FIGN: variants seen among roughly 807,000 people sequenced by gnomAD.
FIGN encodes fidgetin.
A neutral mutation model predicts 51.3 loss-of-function variants in FIGN; 11 were observed. That is an observed-to-expected ratio of 0.21 (90% CI 0.13 to 0.35). The LOEUF (loss-of-function observed/expected upper bound fraction) is 0.35. Ranked by LOEUF, FIGN falls within the 10% of genes least tolerant of loss-of-function variation. The pLI is 1.00. For missense variants in FIGN, 857 were observed against 943.6 expected, an observed-to-expected ratio of 0.91 and a Z score of 1.20; for synonymous variants, 407 against 363.2, an observed-to-expected ratio of 1.12 and a Z score of -1.37.
chr2:163,660,701 A>ATTTTTTTT, intron 2 of FIGN, among the ~76,000 whole-genome samples: 1 of 122,168 alleles, frequency 8.2e-6, no homozygotes, highest in South Asian at 2.6e-4. Context: ...ATACATATAT[A>ATTTTTTTT]TGTATACACA....
rs71410075 is a variant in FIGN at position 163,604,936 on chromosome 2, C to CTTTTTTTTTTTTTTTTTTT, written c.*4597_*4615dup. The CTTTTTTTTTTTTTTTTTTT allele has an allele frequency of 3.2e-5, 3 of 94,258 alleles. No homozygotes were observed. The highest frequency in any genetic ancestry group is 3.9e-4 in the East Asian group (1 of 2,540). 5.8% of individuals were successfully genotyped at this position (94,258 alleles called of 1,614,324 possible). On this transcript the variant is annotated 3_prime_UTR_variant, in exon 3 of 3. Coordinates refer to ENST00000333129, the MANE Select transcript of FIGN (RefSeq NM_018086.4). ...TTTTAAGCCCAGAAATAAACTTTTG[C>CTTTTTTTTTTTTTTTTTTT]TTTTTTTTTTTTTTTTTTTGTATCA...
rs775947684 is a variant in FIGN, at chr2:163,610,143, T to C, written c.1689A>G (p.Ala563=). 1 of 1,614,152 alleles carries C rather than the reference T, an allele frequency of 6.2e-7. No homozygotes were observed. Among genetic ancestry groups the C allele is most frequent in the Non-Finnish European group, 8.5e-7 (1 of 1,180,002 alleles). Residue 563 remains alanine, a synonymous_variant, in exon 3 of 3, where the codon GCA becomes GCG. Transcript: ENST00000333129. Reference sequence around the variant, plus strand: ...GAAAAGAGGCATGGATAATTTTCTCTGCTTCTCCTAACCACTTGGCGACTA... The same window carrying C: ...GAAAAGAGGCATGGATAATTTTCTCCGCTTCTCCTAACCACTTGGCGACTA... ...SGLVAKWLGE[A]EKIIHASFLV...
intron 2 of FIGN, among the ~76,000 whole-genome samples, chr2:163,681,029 C>T (rs911230501): frequency 2.0e-5 from 3 of 152,132 alleles, no homozygotes; most frequent in Non-Finnish European, 2.9e-5. Context: ...GCTGTTATTA[C>T]GATCACTTCA....
At chr2:163,703,709 T>C (rs559651275) in intron 2 of FIGN, among the ~76,000 whole-genome samples, 5 of 152,240 alleles carry the variant, frequency 3.3e-5, no homozygotes, top group African/African-American at 1.2e-4. Flanking sequence ...ATGACCCTCA[T>C]TGCTTCCTGG....
Position 163,606,533 on chromosome 2 carries a change from A to G in FIGN, c.*3019T>C, listed in dbSNP as rs763275316. ...AATTCTTAGCAGTCAAAAAGAGGCC[A>G]AGGGTATGAAGCCCCATTACTCAGT... On this transcript the variant is annotated 3_prime_UTR_variant, in exon 3 of 3. Transcript: ENST00000333129. The G allele has an allele frequency of 6.6e-6, 1 of 152,212 alleles. No individual in the cohort carries two copies. The highest frequency in any genetic ancestry group is 1.5e-5 in the Non-Finnish European group (1 of 68,054). 9.4% of individuals were successfully genotyped at this position (152,212 alleles called of 1,614,324 possible).
chr2:163,635,018 T>C (rs1219768803), intron 2 of FIGN, among the ~76,000 whole-genome samples: 2 of 152,182 alleles, frequency 1.3e-5, no homozygotes, highest in African/African-American at 4.8e-5. Context: ...TCCTCAAACA[T>C]AGAAAAGTCA....
intron 2 of FIGN, among the ~76,000 whole-genome samples, chr2:163,668,255 C>T (rs1683816195): frequency 6.6e-6 from 1 of 152,026 alleles, no homozygotes; most frequent in African/African-American, 2.4e-5. Flanking sequence ...CTAGGGAGAG[C>T]ATGTAGATTA....
rs1053537982 is a variant in FIGN at position 163,603,367 on chromosome 2, T to G, written c.*6185A>C. ...GTCAAATCCAGCGTATTGTTTCAAT[T>G]TAAGCAAATAAAATCAATATGGTCA... On this transcript the variant is annotated 3_prime_UTR_variant, in exon 3 of 3. Transcript: ENST00000333129. 7.9e-5 allele frequency: 12 copies of G among 152,104 alleles called. No homozygotes were observed. The highest frequency in any genetic ancestry group is 2.7e-4 in the African/African-American group (11 of 41,442). The allele number at this position is 152,104 out of a possible 1,614,324, so 9.4% of individuals were successfully genotyped here. A position where few individuals can be genotyped will look rare whatever the true frequency, so the allele number is the denominator to read the frequency against.
At chr2:163,692,404 T>C (rs1427936398) in intron 2 of FIGN, among the ~76,000 whole-genome samples, 1 of 152,220 alleles carries the variant, frequency 6.6e-6, no homozygotes, top group Admixed American at 6.5e-5. Flanking sequence ...ATTAATGTAT[T>C]TTCTTCTAAG....
chr2:163,722,958 G>A (rs886163656), intron 2 of FIGN, among the ~76,000 whole-genome samples: 4 of 151,810 alleles, frequency 2.6e-5, no homozygotes, highest in South Asian at 2.1e-4. Context: ...AGGCAGAGGC[G>A]GGCGGATCAT....
At chr2:163,650,602 C>G (rs1401677806) in intron 2 of FIGN, among the ~76,000 whole-genome samples, 2 of 151,790 alleles carry the variant, frequency 1.3e-5, no homozygotes, top group Admixed American at 1.3e-4. Context: ...CATGTGTTCT[C>G]ATTGTTCAAC....
At chr2:163,718,089 T>C (rs920822346) in intron 2 of FIGN, among the ~76,000 whole-genome samples, 3 of 152,122 alleles carry the variant, frequency 2.0e-5, no homozygotes, top group Admixed American at 6.5e-5. Flanking sequence ...CAAGGATTCA[T>C]GGTCCTTCAT....
In FIGN at chr2:163,711,820, G is replaced by C. The variant is rs369615812; in HGVS notation, c.25+23083C>G. 3.3e-5 allele frequency among the ~76,000 whole-genome samples: 5 copies of C among 152,272 alleles called. No individual in the cohort carries two copies. In the South Asian group the frequency reaches 6.2e-4, roughly 19 times the overall value. On this transcript the variant is annotated intron_variant, in intron 2 of 2. Transcript: ENST00000333129. The stretch of plus-strand genomic sequence containing the variant: ...AAACTGAACGTTAGATTAAGAATGA[G>C]GTTAGAGGAAATGCATATTTAGAAA...
chr2:163,687,853 A>C (rs752040799), intron 2 of FIGN, among the ~76,000 whole-genome samples: 8 of 152,220 alleles, frequency 5.3e-5, no homozygotes, highest in Admixed American at 1.3e-4. Flanking sequence ...ATGTCCTCAC[A>C]TATCTTGGGT....
intron 2 of FIGN, among the ~76,000 whole-genome samples, chr2:163,657,115 G>GAAA (rs774955287): frequency 3.3e-5 from 3 of 91,056 alleles, no homozygotes; most frequent in Admixed American, 1.2e-4. Flanking sequence ...TCCTCCAAGA[G>GAAA]AAAAAAAAAA....
intron 2 of FIGN, among the ~76,000 whole-genome samples, chr2:163,666,824 T>G (rs2105330556): frequency 6.6e-6 from 1 of 151,972 alleles, no homozygotes; most frequent in Admixed American, 6.6e-5. Flanking sequence ...GACTTTGGGG[T>G]TTGAACATAA....
Position 163,734,771 on chromosome 2 carries a change from T to C in FIGN, c.25+132A>G, listed in dbSNP as rs140881874. The stretch of plus-strand genomic sequence containing the variant: ...AAAAAAAGCATGGTGACATTAAACA[T>C]ATATTTTTTAAAAAAAGGAATTCTA... On this transcript the variant is annotated intron_variant, in intron 2 of 2. Coordinates refer to ENST00000333129, the MANE Select transcript of FIGN (RefSeq NM_018086.4). 3.4e-4 allele frequency: 251 copies of C among 731,430 alleles called. 1 individual carries two copies. The African/African-American group carries it at 3.9e-3, about 11-fold the overall frequency. The allele number at this position is 731,430 out of a possible 1,614,324, so 45.3% of individuals were successfully genotyped here.
At chr2:163,704,835 G>A in intron 2 of FIGN, among the ~76,000 whole-genome samples, 1 of 151,764 alleles carries the variant, frequency 6.6e-6, no homozygotes, top group South Asian at 2.1e-4. Flanking sequence ...TGTTCAAATG[G>A]AATAAAATAC....
chr2:163,721,336 A>G (rs1010947361), intron 2 of FIGN, among the ~76,000 whole-genome samples: 2 of 152,136 alleles, frequency 1.3e-5, no homozygotes, highest in Non-Finnish European at 2.9e-5. Flanking sequence ...TTTACTCTCA[A>G]TCTGATGGCT....
Sources: allele counts gnomAD v4.1 joint callset (sites outside exome capture counted in the v4.1 genomes callset), GRCh38; gene constraint gnomAD v4.1.1; transcripts MANE v1.5; gene names NCBI Gene and HGNC (gene_info 2026-07-23, HGNC 2026-07-21).